Variants in ZNF525 observed in about 807,000 individuals in gnomAD.
ZNF525 encodes the protein zinc finger protein 525.
In ZNF525, 33 loss-of-function variants were observed where a neutral mutation model predicts 37.6. That is an observed-to-expected ratio of 0.88 (90% CI 0.67 to 1.17). The LOEUF (loss-of-function observed/expected upper bound fraction) is 1.17, where lower values mean the gene tolerates loss of function less well. Ranked by LOEUF, ZNF525 falls within the 50% of genes most tolerant of loss-of-function variation. The probability of loss-of-function intolerance (pLI) is 0.00; values close to 1 mark genes in which losing one functional copy is unlikely to be tolerated. For synonymous variants in ZNF525, 170 were observed against 182.3 expected (o/e 0.93, Z 0.54); for missense variants, 449 against 543.1 (o/e 0.83, Z 1.72).
At chr19:53,372,484 A>G in intron 2 of ZNF525, 188 bp downstream of exon 2, 1 of 755,116 alleles carries the variant, frequency 1.3e-6, no homozygotes, top group Non-Finnish European at 2.3e-6. Flanking sequence ...TGAACTTGGG[A>G]AGAGGCTGCA....
At position 53,383,504 on chromosome 19, in the gene ZNF525, G is replaced by T; in HGVS notation, c.*1485G>T. 8.6e-7 allele frequency: 1 copy of T among 1,156,812 alleles called. No homozygotes were observed. Among genetic ancestry groups the T allele is most frequent in the Non-Finnish European group, 1.2e-6 (1 of 808,882 alleles). 71.7% of individuals were successfully genotyped at this position (1,156,812 alleles called of 1,614,324 possible). ...TAAAAATGTAAGAGTTTTTGACAAG[G>T]CTTTCGGACGTGATTCACACCTGGC... On this transcript the variant is annotated 3_prime_UTR_variant, in exon 4 of 4. Coordinates refer to ENST00000474037, the MANE Select transcript of ZNF525 (RefSeq NM_001348156.2).
intron 1 of ZNF525, among the ~76,000 whole-genome samples, chr19:53,366,556 AAGAT>A (rs1461752919): frequency 2.1e-5 from 3 of 144,586 alleles, no homozygotes; most frequent in African/African-American, 4.9e-5. Context: ...AAAAAAAAAA[AAGAT>A]AAGCAGGAGG....
chr19:53,374,129 C>G (rs938282169), intron 2 of ZNF525, among the ~76,000 whole-genome samples: 3 of 152,108 alleles, frequency 2.0e-5, no homozygotes, highest in African/African-American at 7.2e-5. Flanking sequence ...ATGATCCACA[C>G]ACCTCGGCCT....
chr19:53,369,959 C>T (rs60842410), intron 1 of ZNF525, among the ~76,000 whole-genome samples: 8 of 147,736 alleles, frequency 5.4e-5, no homozygotes, highest in East Asian at 4.1e-4. Context: ...CTCCTGACCT[C>T]GTGATCCGCC....
Position 53,385,984 on chromosome 19 carries a change from C to A in ZNF525, c.*3965C>A. On this transcript the variant is annotated 3_prime_UTR_variant, in exon 4 of 4. Coordinates refer to ENST00000474037, the MANE Select transcript of ZNF525 (RefSeq NM_001348156.2). ...CAGCCTGGTTAACATGGTGAAACACCATCTCTAGTAAAAATACAAAAATTA... is the reference window on the plus strand; with the variant it reads ...CAGCCTGGTTAACATGGTGAAACACAATCTCTAGTAAAAATACAAAAATTA... 1 of 223,514 alleles carries A rather than the reference C, an allele frequency of 4.5e-6. No homozygotes were observed. The highest frequency in any genetic ancestry group is 5.3e-5 in the Admixed American group (1 of 18,916). 13.8% of individuals were successfully genotyped at this position (223,514 alleles called of 1,614,324 possible).
At chr19:53,379,693 A>C (rs1397235003) in intron 3 of ZNF525, among the ~76,000 whole-genome samples, 7 of 152,212 alleles carry the variant, frequency 4.6e-5, no homozygotes, top group Non-Finnish European at 8.8e-5. Flanking sequence ...TAACTGACAC[A>C]GTTTACTAGT....
intron 2 of ZNF525, among the ~76,000 whole-genome samples, chr19:53,374,206 C>T (rs116163501): frequency 0.016 from 2,476 of 152,142 alleles, 58 homozygotes; most frequent in African/African-American, 0.057. Flanking sequence ...TTTTCTGCTC[C>T]TCTCCTTCCT....
At position 53,386,327 on chromosome 19, in the gene ZNF525, G is replaced by A; in HGVS notation, c.*4308G>A. ...CCCCTGTGGATTCAGATCAAAACTG[G>A]TAATAAAATCAGGTACGACTCCAAA... On this transcript the variant is annotated 3_prime_UTR_variant, in exon 4 of 4. Coordinates refer to ENST00000474037, the MANE Select transcript of ZNF525 (RefSeq NM_001348156.2). The A allele has an allele frequency of 1.3e-6, 1 of 749,236 alleles. No homozygotes were observed. Among genetic ancestry groups the A allele is most frequent in the Middle Eastern group, 3.5e-4 (1 of 2,878 alleles). 46.4% of individuals were successfully genotyped at this position (749,236 alleles called of 1,614,324 possible).
Position 53,372,215 on chromosome 19 carries a change from G to T in ZNF525, c.-67G>T. The T allele has an allele frequency of 1.4e-6, 1 of 699,190 alleles. No individual in the cohort carries two copies. The highest frequency in any genetic ancestry group is 2.6e-6 in the Non-Finnish European group (1 of 388,944). 43.3% of individuals were successfully genotyped at this position (699,190 alleles called of 1,614,324 possible). On this transcript the variant is annotated splice_region_variant and 5_prime_UTR_variant, in exon 2 of 4. Coordinates refer to ENST00000474037, the MANE Select transcript of ZNF525 (RefSeq NM_001348156.2). ...TAAACAACATATTTTTATCACTCAG[G>T]ATTGACATCTAAAGACTCTTGGTAC...
intron 3 of ZNF525, 174 bp downstream of exon 3, chr19:53,376,070 C>A (rs2085519759): frequency 7.9e-6 from 11 of 1,397,700 alleles, no homozygotes; most frequent in Non-Finnish European, 1.1e-5. Flanking sequence ...ACCTCAGCCT[C>A]CCCTCGTAGT....
At chr19:53,368,147 A>G (rs965679111) in intron 1 of ZNF525, among the ~76,000 whole-genome samples, 1 of 152,136 alleles carries the variant, frequency 6.6e-6, no homozygotes, top group African/African-American at 2.4e-5. Flanking sequence ...CAAGTACACA[A>G]GCCCTTGTCC....
chr19:53,381,524 A>G lies in ZNF525; in HGVS notation c.945A>G (p.Gln315=), dbSNP rs761069760. ...DKAFRHNSAL[Q]RHRRIHTGEK... ...CTTTCAGACACAATTCAGCCCTTCAAAGACATAGGAGAATTCATACTGGAG... is the reference window on the plus strand; with the variant it reads ...CTTTCAGACACAATTCAGCCCTTCAGAGACATAGGAGAATTCATACTGGAG... Residue 315 remains glutamine (Q), a synonymous_variant, in exon 4 of 4, where the codon CAA becomes CAG. Transcript: ENST00000474037. The G allele has an allele frequency of 4.0e-6, 5 of 1,263,904 alleles. No homozygotes were observed. Among genetic ancestry groups the G allele is most frequent in the Admixed American group, 3.4e-5 (2 of 59,568 alleles). The allele number at this position is 1,263,904 out of a possible 1,614,324, so 78.3% of individuals were successfully genotyped here. A position where few individuals can be genotyped will look rare whatever the true frequency, so the allele number is the denominator to read the frequency against.
In ZNF525 at chr19:53,383,113, T is replaced by A; in HGVS notation, c.*1094T>A. 1 of 1,331,848 alleles carries A rather than the reference T, an allele frequency of 7.5e-7. No individual in the cohort carries two copies. The highest frequency in any genetic ancestry group is 1.2e-5 in the South Asian group (1 of 85,726). 82.5% of individuals were successfully genotyped at this position (1,331,848 alleles called of 1,614,324 possible). A position where few individuals can be genotyped will look rare whatever the true frequency, so the allele number is the denominator to read the frequency against. Reference sequence around the variant, plus strand: ...AGGTTTTTAATCAACAAGCACACCTTGCACGTCATCATAGAACTCATACTG... The same window carrying A: ...AGGTTTTTAATCAACAAGCACACCTAGCACGTCATCATAGAACTCATACTG... On this transcript the variant is annotated 3_prime_UTR_variant, in exon 4 of 4. Transcript: ENST00000474037.
In ZNF525 at chr19:53,385,923, C is replaced by T; in HGVS notation, c.*3904C>T. 5.5e-6 allele frequency: 1 copy of T among 183,264 alleles called. No individual in the cohort carries two copies. Among genetic ancestry groups the T allele is most frequent in the South Asian group, 1.1e-4 (1 of 9,034 alleles). 11.4% of individuals were successfully genotyped at this position (183,264 alleles called of 1,614,324 possible). On this transcript the variant is annotated 3_prime_UTR_variant, in exon 4 of 4. Transcript: ENST00000474037. Reference sequence around the variant, plus strand: ...TTCATGCTGCAATGAAGAGGACTGACAGCAAACAGCAGAAACATAGTCAGA... The same window carrying T: ...TTCATGCTGCAATGAAGAGGACTGATAGCAAACAGCAGAAACATAGTCAGA...
chr19:53,381,575 T>C lies in ZNF525; in HGVS notation c.996T>C (p.Cys332=). 1 of 1,158,286 alleles carries C rather than the reference T, an allele frequency of 8.6e-7. No homozygotes were observed. Among genetic ancestry groups the C allele is most frequent in the Non-Finnish European group, 1.3e-6 (1 of 763,450 alleles). 71.8% of individuals were successfully genotyped at this position (1,158,286 alleles called of 1,614,324 possible). A position where few individuals can be genotyped will look rare whatever the true frequency, so the allele number is the denominator to read the frequency against. ...TGEKPHKCNE[C]GKTFSQKSYL... is the part of the protein sequence containing the mutation. ...AGAAACCACATAAGTGTAATGAGTG[T>C]GGCAAGACCTTTAGTCAGAAGTCAT... Residue 332 remains cysteine (C), a synonymous_variant, in exon 4 of 4, where the codon TGT becomes TGC. Transcript: ENST00000474037.
intron 1 of ZNF525, among the ~76,000 whole-genome samples, 157 bp downstream of exon 1, chr19:53,365,916 C>T (rs1432099941): frequency 1.3e-5 from 2 of 152,122 alleles, no homozygotes; most frequent in African/African-American, 4.8e-5. Flanking sequence ...GGGGTCACTT[C>T]CTTTTGGGTT....
chr19:53,385,847 GC>G lies in ZNF525; in HGVS notation c.*3829del, dbSNP rs2085602545. Reference sequence around the variant, plus strand: ...GACAATGTTGACAGTGATGCATGAAGCAGCAGGCAGACCTTCCACATCATTT... The same window carrying G: ...GACAATGTTGACAGTGATGCATGAAGAGCAGGCAGACCTTCCACATCATTT... On this transcript the variant is annotated 3_prime_UTR_variant, in exon 4 of 4. Coordinates refer to ENST00000474037, the MANE Select transcript of ZNF525 (RefSeq NM_001348156.2). 6.1e-6 allele frequency: 1 copy of G among 165,162 alleles called. No individual in the cohort carries two copies. Among genetic ancestry groups the G allele is most frequent in the Admixed American group, 5.9e-5 (1 of 16,980 alleles). The allele number at this position is 165,162 out of a possible 1,614,324, so 10.2% of individuals were successfully genotyped here.
chr19:53,382,101 T>C lies in ZNF525; in HGVS notation c.*82T>C, dbSNP rs539169984. The C allele has an allele frequency of 3.0e-5, 46 of 1,532,964 alleles. No individual in the cohort carries two copies. In the African/African-American group the frequency reaches 5.8e-4, roughly 19 times the overall value. 95.0% of individuals were successfully genotyped at this position (1,532,964 alleles called of 1,614,324 possible). Reference sequence around the variant, plus strand: ...TTGTGGCAAGATCTTCAGTCATACGTCATCCATTGTATACCATCATAAATT... The same window carrying C: ...TTGTGGCAAGATCTTCAGTCATACGCCATCCATTGTATACCATCATAAATT... On this transcript the variant is annotated 3_prime_UTR_variant, in exon 4 of 4. Coordinates refer to ENST00000474037, the MANE Select transcript of ZNF525 (RefSeq NM_001348156.2).
intron 1 of ZNF525, among the ~76,000 whole-genome samples, chr19:53,368,194 A>T (rs1305024898): frequency 6.6e-6 from 1 of 152,198 alleles, no homozygotes; most frequent in Non-Finnish European, 1.5e-5. Context: ...TGTGGCACAC[A>T]GTTCTAATAG....
Sources: allele counts gnomAD v4.1 joint callset (sites outside exome capture counted in the v4.1 genomes callset), GRCh38; gene constraint gnomAD v4.1.1; transcripts MANE v1.5; gene names NCBI Gene and HGNC (gene_info 2026-07-23, HGNC 2026-07-21).